Variants in NME7 observed in about 807,000 individuals in gnomAD.
NME7 encodes the protein NME/NM23 family member 7.
NME7 carries 41 observed loss-of-function variants against 49.1 expected under a neutral mutation model. That is an observed-to-expected ratio of 0.83 (90% CI 0.65 to 1.08). NME7 has a LOEUF of 1.08. Ranked by LOEUF, NME7 falls within the 50% of genes least tolerant of loss-of-function variation. NME7 has a pLI of 0.00. For missense variants in NME7, 423 were observed against 463.4 expected (o/e 0.91, Z 0.80); for synonymous variants, 139 against 150.6 (o/e 0.92, Z 0.56).
At chr1:169,260,884 G>T (rs1024445061) in intron 7 of NME7, among the ~76,000 whole-genome samples, 1 of 133,148 alleles carries the variant, frequency 7.5e-6, no homozygotes, top group African/African-American at 2.6e-5. Context: ...ATGAAAAACA[G>T]GCAAGAGGAG....
At chr1:169,199,489 A>T (rs1455462617) in intron 10 of NME7, among the ~76,000 whole-genome samples, 1 of 144,622 alleles carries the variant, frequency 6.9e-6, no homozygotes, top group East Asian at 2.0e-4. Flanking sequence ...TATTATTATT[A>T]TTATTTTTAA....
chr1:169,157,548 G>A (rs1283045964), intron 11 of NME7, among the ~76,000 whole-genome samples: 1 of 152,150 alleles, frequency 6.6e-6, no homozygotes, highest in African/African-American at 2.4e-5. Flanking sequence ...AGGGCAAATG[G>A]CAGCCTTCAC....
In NME7 at chr1:169,266,974, A is replaced by G. The variant is rs1473704013; in HGVS notation, c.754+20329T>C. 2.3e-5 allele frequency among the ~76,000 whole-genome samples: 3 copies of G among 133,136 alleles called. 1 individual carries two copies. The East Asian group carries it at 5.9e-4, about 26-fold the overall frequency. 87.3% of individuals were successfully genotyped at this position (133,136 alleles called of 152,430 possible). On this transcript the variant is annotated intron_variant, in intron 7 of 11. Coordinates refer to ENST00000367811, the MANE Select transcript of NME7 (RefSeq NM_013330.5). ...TCCCAGCTACTTGGGAGGCTGAGGCACAAGAATCGCTTGAACCTGGGAGGT... is the reference window on the plus strand; with the variant it reads ...TCCCAGCTACTTGGGAGGCTGAGGCGCAAGAATCGCTTGAACCTGGGAGGT...
chr1:169,195,383 T>C lies in NME7; in HGVS notation c.991-25829A>G, dbSNP rs190032015. Among the ~76,000 whole-genome samples the C allele has an allele frequency of 3.3e-5, 5 of 152,216 alleles. No individual in the cohort carries two copies. In the East Asian group the frequency reaches 9.7e-4, roughly 29 times the overall value. On this transcript the variant is annotated intron_variant, in intron 10 of 11. Coordinates refer to ENST00000367811, the MANE Select transcript of NME7 (RefSeq NM_013330.5). ...TGTGCCACCACACCTGGCTTATTTA[T>C]TTATCTACTTATTTATTTATTTTTA...
intron 11 of NME7, among the ~76,000 whole-genome samples, chr1:169,164,261 C>T (rs940689364): frequency 6.6e-6 from 1 of 151,992 alleles, no homozygotes; most frequent in Non-Finnish European, 1.5e-5. Context: ...TCACCGAGTG[C>T]AAAAAATACA....
intron 3 of NME7, among the ~76,000 whole-genome samples, chr1:169,319,896 TTAAAA>T (rs2101932817): frequency 6.6e-6 from 1 of 152,338 alleles, no homozygotes; most frequent in South Asian, 2.1e-4. Flanking sequence ...GGCTCAGTAC[TTAAAA>T]TTAATGGATT....
rs1242391358 is a variant in NME7, at chr1:169,263,110, C to T, written c.754+24193G>A. On this transcript the variant is annotated intron_variant, in intron 7 of 11. Coordinates refer to ENST00000367811, the MANE Select transcript of NME7 (RefSeq NM_013330.5). ...AAAGCAAAACAATCCATCCAGAAGA[C>T]ATCAACTTCAAAAACTGGAGGAATA... Among the ~76,000 whole-genome samples, 11 of 133,482 alleles carry T rather than the reference C, an allele frequency of 8.2e-5. 3 individuals carry two copies. The highest frequency in any genetic ancestry group is 5.9e-4 in the Admixed American group (8 of 13,628). 87.6% of individuals were successfully genotyped at this position (133,482 alleles called of 152,430 possible).
chr1:169,234,616 C>T (rs530724083), intron 9 of NME7, among the ~76,000 whole-genome samples: 1 of 151,944 alleles, frequency 6.6e-6, no homozygotes, highest in Non-Finnish European at 1.5e-5. Flanking sequence ...TAGCATTATT[C>T]CCATTTTATA....
At chr1:169,301,142 A>G (rs1055934811) in intron 5 of NME7, among the ~76,000 whole-genome samples, 1 of 152,142 alleles carries the variant, frequency 6.6e-6, no homozygotes, top group Non-Finnish European at 1.5e-5. Context: ...TAAAAAGACA[A>G]TCCACAGAAT....
At chr1:169,346,658 T>C (rs1277707968) in intron 1 of NME7, among the ~76,000 whole-genome samples, 1 of 152,264 alleles carries the variant, frequency 6.6e-6, no homozygotes, top group East Asian at 1.9e-4. Context: ...CATATGTTTA[T>C]TGCTTATTGC....
At chr1:169,232,933 T>G (rs1199255089) in intron 9 of NME7, among the ~76,000 whole-genome samples, 1 of 144,632 alleles carries the variant, frequency 6.9e-6, no homozygotes, top group Non-Finnish European at 1.5e-5. Flanking sequence ...TTTTTTTTTT[T>G]TTTTGAGACA....
chr1:169,256,877 G>T (rs557445007), intron 7 of NME7, among the ~76,000 whole-genome samples: 1 of 131,624 alleles, frequency 7.6e-6, no homozygotes, highest in African/African-American at 2.6e-5. Flanking sequence ...AGGCTGCTTG[G>T]GGGTCAGGGG....
At chr1:169,290,702 G>A (rs1027074764) in intron 6 of NME7, among the ~76,000 whole-genome samples, 2 of 152,062 alleles carry the variant, frequency 1.3e-5, no homozygotes, top group Non-Finnish European at 2.9e-5. Flanking sequence ...CATAGCAAAA[G>A]AGAAATTATC....
chr1:169,257,251 G>A (rs2101857581), intron 7 of NME7, among the ~76,000 whole-genome samples: 1 of 134,808 alleles, frequency 7.4e-6, no homozygotes, highest in African/African-American at 2.5e-5. Context: ...GCCAGGTGCG[G>A]GATATAATCT....
At chr1:169,283,341 T>C (rs1044998949) in intron 7 of NME7, among the ~76,000 whole-genome samples, 5 of 152,102 alleles carry the variant, frequency 3.3e-5, no homozygotes, top group African/African-American at 1.2e-4. Flanking sequence ...ATATGTGTCT[T>C]TGCAAGTGAG....
At chr1:169,174,157 A>G (rs1659681892) in intron 10 of NME7, among the ~76,000 whole-genome samples, 1 of 152,212 alleles carries the variant, frequency 6.6e-6, no homozygotes, top group Non-Finnish European at 1.5e-5. Flanking sequence ...TGACTTCTAA[A>G]TCTAAGATAT....
chr1:169,313,430 C>G (rs1016934812), intron 3 of NME7, among the ~76,000 whole-genome samples: 1 of 152,076 alleles, frequency 6.6e-6, no homozygotes, highest in African/African-American at 2.4e-5. Flanking sequence ...AATGGCAATA[C>G]AAGTTCACAT....
intron 10 of NME7, among the ~76,000 whole-genome samples, chr1:169,191,926 G>A (rs1234951497): frequency 1.3e-5 from 2 of 152,120 alleles, no homozygotes; most frequent in African/African-American, 4.8e-5. Flanking sequence ...CACATCACAT[G>A]GGAGTCTGTC....
chr1:169,192,908 G>C (rs114578022), intron 10 of NME7, among the ~76,000 whole-genome samples: 2,185 of 152,112 alleles, frequency 0.014, 57 homozygotes, highest in African/African-American at 0.049. Context: ...ACTCCTGAAA[G>C]GAATTCTTTT....
Sources: gnomAD v4.1 joint callset for allele counts (sites outside exome capture counted in the v4.1 genomes callset) on GRCh38, gnomAD v4.1.1 for gene constraint, MANE v1.5 for transcripts, NCBI Gene and HGNC (gene_info 2026-07-23, HGNC 2026-07-21) for gene names.